The following ADCK1 variants were observed in gnomAD, a reference collection of about 807,000 sequenced individuals.
The protein encoded by ADCK1 is aarF domain containing kinase 1, also known as aarF domain-containing protein kinase 1.
Under a neutral mutation model 52.3 loss-of-function variants are expected in ADCK1, and 41 were observed. The ratio of observed to expected loss-of-function variants is 0.78; its 90% confidence interval spans 0.61 to 1.02. The LOEUF is 1.02. Among genes scored for constraint, ADCK1 ranks in the 50% least tolerant of loss-of-function variants. ADCK1 has a pLI of 0.00. For missense variants in ADCK1, 658 were observed against 679.5 expected (o/e 0.97, Z 0.35); for synonymous variants, 250 against 274.6 (o/e 0.91, Z 0.89).
chr14:77,823,912 T>G (rs1308709785), intron 3 of ADCK1, among the ~76,000 whole-genome samples: 1 of 151,782 alleles, frequency 6.6e-6, no homozygotes, highest in Non-Finnish European at 1.5e-5. Flanking sequence ...ATTTGTTTAT[T>G]TTTTGAGACA....
At chr14:77,842,419 T>G (rs1049965817) in intron 3 of ADCK1, among the ~76,000 whole-genome samples, 1 of 149,256 alleles carries the variant, frequency 6.7e-6, no homozygotes, top group Non-Finnish European at 1.5e-5. Flanking sequence ...AGTGAGGCCT[T>G]CTTCCCTGTA....
At chr14:77,831,838 G>A (rs1215960917) in intron 3 of ADCK1, among the ~76,000 whole-genome samples, 1 of 152,198 alleles carries the variant, frequency 6.6e-6, no homozygotes, top group Non-Finnish European at 1.5e-5. Flanking sequence ...GATATTGGTT[G>A]GAGGGGCAGA....
Position 77,933,544 on chromosome 14 carries a change from TC to T in ADCK1, c.*155del. On this transcript the variant is annotated 3_prime_UTR_variant, in exon 11 of 11. Coordinates refer to ENST00000238561, the MANE Select transcript of ADCK1 (RefSeq NM_020421.4). Reference sequence around the variant, plus strand: ...ATCCTTCTCCTCCTTTGGAATCCTCTCCGCACACTGTGGCCCTTGTCTCAGG... The same window carrying T: ...ATCCTTCTCCTCCTTTGGAATCCTCTCGCACACTGTGGCCCTTGTCTCAGG... 2.3e-6 allele frequency: 2 copies of T among 888,616 alleles called. No homozygotes were observed. The highest frequency in any genetic ancestry group is 3.5e-6 in the Non-Finnish European group (2 of 572,460). 55.0% of individuals were successfully genotyped at this position (888,616 alleles called of 1,614,324 possible). A position where few individuals can be genotyped will look rare whatever the true frequency, so the allele number is the denominator to read the frequency against.
chr14:77,825,882 G>A (rs1007389942), intron 3 of ADCK1, among the ~76,000 whole-genome samples: 9 of 152,112 alleles, frequency 5.9e-5, no homozygotes, highest in East Asian at 1.9e-4. Context: ...CCAGCTAACC[G>A]GTGCTATGGG....
At chr14:77,896,756 A>T (rs1282601921) in intron 5 of ADCK1, among the ~76,000 whole-genome samples, 1 of 152,220 alleles carries the variant, frequency 6.6e-6, no homozygotes, top group Non-Finnish European at 1.5e-5. Context: ...GATACAAACA[A>T]AACATAAACT....
chr14:77,855,762 CA>C (rs2082404935), intron 3 of ADCK1, among the ~76,000 whole-genome samples: 2 of 152,148 alleles, frequency 1.3e-5, no homozygotes, highest in African/African-American at 4.8e-5. Context: ...TCTCTCTAAT[CA>C]AAGCTGGTCT....
intron 6 of ADCK1, among the ~76,000 whole-genome samples, chr14:77,899,760 G>T (rs1363317860): frequency 6.6e-6 from 1 of 152,084 alleles, no homozygotes; most frequent in Non-Finnish European, 1.5e-5. Flanking sequence ...TAGAGTTAGG[G>T]GCACAACACT....
intron 1 of ADCK1, among the ~76,000 whole-genome samples, chr14:77,805,705 T>C (rs1451550618): frequency 1.3e-5 from 2 of 151,722 alleles, no homozygotes; most frequent in Non-Finnish European, 2.9e-5. Flanking sequence ...GCGTTTGGAG[T>C]AGAACGAGTG....
At chr14:77,816,422 T>C (rs1019634851) in intron 1 of ADCK1, among the ~76,000 whole-genome samples, 11 of 87,704 alleles carry the variant, frequency 1.3e-4, no homozygotes, top group Non-Finnish European at 2.6e-4. Context: ...CCCACCTTTC[T>C]GATTGTGGAT....
chr14:77,834,247 TTC>T (rs981834775), intron 3 of ADCK1, among the ~76,000 whole-genome samples: 40 of 151,920 alleles, frequency 2.6e-4, no homozygotes, highest in African/African-American at 9.7e-4. Context: ...AGGTTTGATT[TTC>T]TCTCTCTCTC....
In ADCK1 at chr14:77,800,349, G is replaced by C. The variant is rs539156244; in HGVS notation, c.-12+179G>C. Among the ~76,000 whole-genome samples, 3 of 152,360 alleles carry C rather than the reference G, an allele frequency of 2.0e-5. No homozygotes were observed. In the South Asian group the frequency reaches 6.2e-4, roughly 32 times the overall value. ...ACAGCCCCATGACCTTGTCACCTGG[G>C]CCCGGCGCGCGGCCACGTGGCTCGG... On this transcript the variant is annotated intron_variant, in intron 1 of 10. Coordinates refer to ENST00000238561, the MANE Select transcript of ADCK1 (RefSeq NM_020421.4).
At chr14:77,853,648 A>G (rs912073812) in intron 3 of ADCK1, among the ~76,000 whole-genome samples, 2 of 152,160 alleles carry the variant, frequency 1.3e-5, no homozygotes, top group African/African-American at 4.8e-5. Flanking sequence ...GATTTTTTTC[A>G]TCTTGGCTGG....
intron 9 of ADCK1, among the ~76,000 whole-genome samples, chr14:77,930,479 T>A (rs2084302450): frequency 6.6e-6 from 1 of 152,024 alleles, no homozygotes; most frequent in Non-Finnish European, 1.5e-5. Context: ...CATTCCCAAT[T>A]TTTGGGTGAG....
intron 5 of ADCK1, 68 bp downstream of exon 5, chr14:77,887,317 G>C: frequency 6.8e-7 from 1 of 1,466,082 alleles, no homozygotes; most frequent in East Asian, 2.5e-5. Context: ...GGCCACCTAG[G>C]TGGAACTGGT....
intron 3 of ADCK1, among the ~76,000 whole-genome samples, chr14:77,825,476 G>C (rs560306300): frequency 1.3e-5 from 2 of 152,256 alleles, no homozygotes; most frequent in South Asian, 4.1e-4. Context: ...TTGTGAAATA[G>C]AAAGCAGGTA....
intron 4 of ADCK1, among the ~76,000 whole-genome samples, chr14:77,877,343 T>C (rs897718548): frequency 1.3e-5 from 2 of 152,258 alleles, no homozygotes; most frequent in African/African-American, 4.8e-5. Flanking sequence ...TCTGTCCTGA[T>C]AGCAAATGGA....
intron 3 of ADCK1, among the ~76,000 whole-genome samples, chr14:77,853,360 T>A (rs375566598): frequency 2.0e-5 from 3 of 150,864 alleles, no homozygotes; most frequent in Non-Finnish European, 4.4e-5. Context: ...GCTCAGGTGA[T>A]CTGCCTGTCT....
At chr14:77,841,041 T>C (rs1162499534) in intron 3 of ADCK1, among the ~76,000 whole-genome samples, 3 of 152,198 alleles carry the variant, frequency 2.0e-5, no homozygotes, top group Admixed American at 2.0e-4. Flanking sequence ...GAGCTGGACA[T>C]GTACATCTCA....
At chr14:77,924,876 C>T (rs1006779583) in intron 8 of ADCK1, among the ~76,000 whole-genome samples, 2 of 152,216 alleles carry the variant, frequency 1.3e-5, no homozygotes, top group Non-Finnish European at 2.9e-5. Flanking sequence ...ATTATACTTT[C>T]CCATGGAGCC....
Sources: gnomAD v4.1 joint callset for allele counts (sites outside exome capture counted in the v4.1 genomes callset) on GRCh38, gnomAD v4.1.1 for gene constraint, MANE v1.5 for transcripts, NCBI Gene and HGNC (gene_info 2026-07-23, HGNC 2026-07-21) for gene names.